NFATC1: variants seen among roughly 807,000 people sequenced by gnomAD.
NFATC1 encodes the protein nuclear factor of activated T cells 1, also known as nuclear factor of activated T-cells, cytoplasmic 1.
In NFATC1, 22 loss-of-function variants were observed where a neutral mutation model predicts 76.0. That is an observed-to-expected ratio of 0.29 (90% CI 0.21 to 0.41). The LOEUF (loss-of-function observed/expected upper bound fraction) is 0.41, where lower values mean the gene tolerates loss of function less well. Ranked by LOEUF, NFATC1 falls within the 10% of genes least tolerant of loss-of-function variation. The pLI is 1.00. For synonymous variants in NFATC1, 704 were observed against 613.1 expected (o/e 1.15, Z -2.19); for missense variants, 1,357 against 1,337.7 (o/e 1.01, Z -0.23).
intron 2 of NFATC1, among the ~76,000 whole-genome samples, chr18:79,424,377 G>A (rs922756717): frequency 6.6e-6 from 1 of 152,240 alleles, no homozygotes; most frequent in African/African-American, 2.4e-5. Flanking sequence ...GCCTCTGACC[G>A]CTGGCCACTG....
chr18:79,453,691 A>T (rs918064878), intron 6 of NFATC1, among the ~76,000 whole-genome samples: 1 of 152,256 alleles, frequency 6.6e-6, no homozygotes, highest in Non-Finnish European at 1.5e-5. Context: ...GGTATACAGC[A>T]GGTGAGCCAT....
At chr18:79,431,903 A>G (rs925873087) in intron 2 of NFATC1, among the ~76,000 whole-genome samples, 1 of 151,996 alleles carries the variant, frequency 6.6e-6, no homozygotes, top group Non-Finnish European at 1.5e-5. Flanking sequence ...GGGTTTCACC[A>G]TGTTGGCCAG....
chr18:79,511,160 G>A (rs1238891594), intron 9 of NFATC1, among the ~76,000 whole-genome samples: 2 of 152,226 alleles, frequency 1.3e-5, no homozygotes, highest in Non-Finnish European at 1.5e-5. Flanking sequence ...CACCCGGCTC[G>A]CTGTGATGAA....
intron 3 of NFATC1, among the ~76,000 whole-genome samples, chr18:79,437,328 TCAGA>T (rs773085085): frequency 1.3e-5 from 2 of 152,216 alleles, no homozygotes; most frequent in African/African-American, 2.4e-5. Context: ...AACAAGTGAC[TCAGA>T]CAGAGCCTCC....
chr18:79,508,596 G>T lies in NFATC1; in HGVS notation c.2783-18932G>T, dbSNP rs115377758. Among the ~76,000 whole-genome samples the T allele has an allele frequency of 2.5e-3, 383 of 151,906 alleles. 2 individuals are homozygous for T. Among genetic ancestry groups the T allele is most frequent in the African/African-American group, 7.9e-3 (329 of 41,384 alleles). On this transcript the variant is annotated intron_variant, in intron 9 of 9. Coordinates refer to ENST00000427363, the MANE Select transcript of NFATC1 (RefSeq NM_001278669.2). ...GTCTGAACTCCCTCCCCTCTCTCTC[G>T]GTCTTTCTCTGTATCTCTATCCCTC...
At chr18:79,449,128 A>C (rs913159959) in intron 4 of NFATC1, 144 bp downstream of exon 4, 11 of 720,630 alleles carry the variant, frequency 1.5e-5, no homozygotes, top group Non-Finnish European at 2.5e-5. Flanking sequence ...CAATAAGTAA[A>C]CTTCACTCTT....
In NFATC1 at chr18:79,409,216, TTCATCCA is replaced by T. The variant is rs563555175; in HGVS notation, c.128-1170_128-1164del. On this transcript the variant is annotated intron_variant, in intron 1 of 9. Coordinates refer to ENST00000427363, the MANE Select transcript of NFATC1 (RefSeq NM_001278669.2). ...TGTTCCTCCATTCCCTATCCATCCA[TTCATCCA>T]TCATCCATCATCCATCCATTATTCC... Among the ~76,000 whole-genome samples the T allele has an allele frequency of 4.4e-3, 659 of 149,004 alleles. 11 individuals carry two copies. The highest frequency in any genetic ancestry group is 0.015 in the African/African-American group (628 of 40,580).
At position 79,411,588 on chromosome 18, in the gene NFATC1, G is replaced by A. The variant is rs1040297045; in HGVS notation, c.1226+87G>A. On this transcript the variant is annotated intron_variant, in intron 2 of 9. Coordinates refer to ENST00000427363, the MANE Select transcript of NFATC1 (RefSeq NM_001278669.2). ...CGGGGAGCGGGACGGGGGGCGGCGC[G>A]GGGCGGCCGTGTCTGGGGACGAGAG... is the stretch of plus-strand genomic sequence containing the variant. The A allele has an allele frequency of 1.8e-5, 19 of 1,051,274 alleles. No homozygotes were observed. The South Asian group carries it at 6.0e-4, about 33-fold the overall frequency. The allele number at this position is 1,051,274 out of a possible 1,614,324, so 65.1% of individuals were successfully genotyped here. A position where few individuals can be genotyped will look rare whatever the true frequency, so the allele number is the denominator to read the frequency against.
intron 8 of NFATC1, among the ~76,000 whole-genome samples, chr18:79,476,571 A>ACCC (rs1368605895): frequency 1.3e-5 from 2 of 151,610 alleles, no homozygotes; most frequent in African/African-American, 2.4e-5. Context: ...GCCACCTGAG[A>ACCC]CCCCCATCAA....
intron 2 of NFATC1, among the ~76,000 whole-genome samples, chr18:79,432,688 G>A (rs2086641744): frequency 6.6e-6 from 1 of 152,216 alleles, no homozygotes; most frequent in Non-Finnish European, 1.5e-5. Flanking sequence ...GTGGATGGTG[G>A]TGCACCGGGG....
At chr18:79,511,180 A>T (rs2090241579) in intron 9 of NFATC1, among the ~76,000 whole-genome samples, 1 of 152,174 alleles carries the variant, frequency 6.6e-6, no homozygotes, top group Non-Finnish European at 1.5e-5. Flanking sequence ...ATTGCTCATT[A>T]TGTGCAGTGT....
chr18:79,397,649 T>C (rs1341171693), intron 1 of NFATC1, among the ~76,000 whole-genome samples: 1 of 152,182 alleles, frequency 6.6e-6, no homozygotes, highest in Non-Finnish European at 1.5e-5. Context: ...AAAAATTTTT[T>C]TTTGTTGGAG....
chr18:79,481,470 G>A lies in NFATC1; in HGVS notation c.2093-4778G>A, dbSNP rs371102286. Among the ~76,000 whole-genome samples, 37 of 152,334 alleles carry A rather than the reference G, an allele frequency of 2.4e-4. No individual in the cohort carries two copies. The East Asian group carries it at 5.2e-3, about 21-fold the overall frequency. ...GTTTCCCAATCAACATGAGGGCGCCGTGTCCTCTGCAGCCCCCTGACTTGC... is the reference window on the plus strand; with the variant it reads ...GTTTCCCAATCAACATGAGGGCGCCATGTCCTCTGCAGCCCCCTGACTTGC... On this transcript the variant is annotated intron_variant, in intron 8 of 9. Transcript: ENST00000427363.
intron 1 of NFATC1, among the ~76,000 whole-genome samples, chr18:79,403,513 G>T (rs2085334718): frequency 6.6e-6 from 1 of 152,218 alleles, no homozygotes; most frequent in Non-Finnish European, 1.5e-5. Flanking sequence ...AGGCGGGCGT[G>T]CCCTGCTTCC....
chr18:79,474,698 G>C (rs868812478), intron 8 of NFATC1, among the ~76,000 whole-genome samples: 1 of 134,300 alleles, frequency 7.4e-6, no homozygotes, highest in Non-Finnish European at 1.6e-5. Flanking sequence ...CACTGTCGAC[G>C]TTGTGAGGGA....
chr18:79,412,837 C>T (rs1425831290), intron 2 of NFATC1, among the ~76,000 whole-genome samples: 1 of 152,194 alleles, frequency 6.6e-6, no homozygotes, highest in East Asian at 1.9e-4. Flanking sequence ...CAAGGATTAC[C>T]CCTGATTTTT....
At chr18:79,471,102 C>T (rs1354663888) in intron 8 of NFATC1, among the ~76,000 whole-genome samples, 1 of 152,190 alleles carries the variant, frequency 6.6e-6, no homozygotes, top group Non-Finnish European at 1.5e-5. Flanking sequence ...AGAGAGGCTT[C>T]CTGAGCGGCT....
chr18:79,499,850 T>C (rs915890735), intron 9 of NFATC1, among the ~76,000 whole-genome samples: 1 of 152,144 alleles, frequency 6.6e-6, no homozygotes, highest in Non-Finnish European at 1.5e-5. Flanking sequence ...CAAATTAAAC[T>C]CTAAGATAAA....
chr18:79,478,188 G>C (rs1312247745), intron 8 of NFATC1, among the ~76,000 whole-genome samples: 1 of 149,284 alleles, frequency 6.7e-6, no homozygotes, highest in East Asian at 2.1e-4. Flanking sequence ...GAGCTGCCGG[G>C]CACCAACCAC....
Sources: allele counts gnomAD v4.1 joint callset (sites outside exome capture counted in the v4.1 genomes callset), GRCh38; gene constraint gnomAD v4.1.1; transcripts MANE v1.5; gene names NCBI Gene and HGNC (gene_info 2026-07-23, HGNC 2026-07-21).